The following SLC24A2 variants were observed in gnomAD, a reference collection of about 807,000 sequenced individuals.
SLC24A2 encodes the protein solute carrier family 24 member 2, also known as sodium/potassium/calcium exchanger 2.
SLC24A2 carries 36 observed loss-of-function variants against 62.0 expected under a neutral mutation model. The observed-to-expected ratio is 0.58, with a 90% confidence interval of 0.44 to 0.77. SLC24A2 has a LOEUF of 0.77. SLC24A2 is among the 30% of genes least tolerant of loss of function. SLC24A2 has a pLI of 0.00. For missense variants in SLC24A2, 846 were observed against 817.9 expected (o/e 1.03, Z -0.42); for synonymous variants, 358 against 294.0 (o/e 1.22, Z -2.23).
chr9:20,276,171 A>G, the SLC24A2 span, among the ~76,000 whole-genome samples: 4 of 152,232 alleles, frequency 2.6e-5, no homozygotes, highest in Non-Finnish European at 1.5e-5. Context: ...AAAGTCTCAT[A>G]TGAGACAAGC....
the SLC24A2 span, among the ~76,000 whole-genome samples, chr9:20,162,820 T>C: frequency 2.0e-5 from 3 of 152,056 alleles, no homozygotes; most frequent in Non-Finnish European, 4.4e-5. Flanking sequence ...GCAAGACTGG[T>C]TCAATATACG....
At position 19,786,654 on chromosome 9, in the gene SLC24A2, A is replaced by T. The variant is rs1823183784; in HGVS notation, c.213T>A (p.Ser71Arg). ...ETDTQSTGEA[S>R]VVSGPRVAQG... Reference sequence around the variant, plus strand: ...GTGCTACCCTAGGGCCACTTACAACACTGGCCTCTCCTGTGCTCTGTGTAT... The same window carrying T: ...GTGCTACCCTAGGGCCACTTACAACTCTGGCCTCTCCTGTGCTCTGTGTAT... Residue 71 changes from serine (S) to arginine (R), a missense_variant, in exon 2 of 11, where the codon AGT (serine) becomes AGA (arginine). Coordinates refer to ENST00000341998, the MANE Select transcript of SLC24A2 (RefSeq NM_020344.4). The surrounding 1 kb of genome is among the most constrained non-coding windows in gnomAD (Gnocchi z 5.0). The T allele has an allele frequency of 6.2e-7, 1 of 1,613,986 alleles. No homozygotes were observed. Among genetic ancestry groups the T allele is most frequent in the Non-Finnish European group, 8.5e-7 (1 of 1,180,000 alleles).
chr9:19,884,774 T>C, the SLC24A2 span, among the ~76,000 whole-genome samples: 2 of 152,212 alleles, frequency 1.3e-5, no homozygotes, highest in African/African-American at 4.8e-5. Flanking sequence ...AACACTTTAA[T>C]ATAAAATAGG....
intron 2 of SLC24A2, among the ~76,000 whole-genome samples, chr9:19,773,334 T>C (rs773629244): frequency 7.2e-5 from 11 of 152,196 alleles, no homozygotes; most frequent in Admixed American, 1.3e-4. Context: ...AGAAAAGCTG[T>C]TATTAAAAAG....
the SLC24A2 span, among the ~76,000 whole-genome samples, chr9:20,303,690 T>C: frequency 1.3e-5 from 2 of 152,330 alleles, no homozygotes; most frequent in East Asian, 3.9e-4. Flanking sequence ...GTAGAAGTCT[T>C]TCCTCCACCT....
At chr9:20,119,999 G>A in the SLC24A2 span, among the ~76,000 whole-genome samples, 1 of 152,120 alleles carries the variant, frequency 6.6e-6, no homozygotes, top group African/African-American at 2.4e-5. Context: ...AAGAGCATCG[G>A]CAGGGCTGTG....
At chr9:20,233,856 G>T in the SLC24A2 span, among the ~76,000 whole-genome samples, 1 of 152,160 alleles carries the variant, frequency 6.6e-6, no homozygotes. Flanking sequence ...TTTTTGCAGT[G>T]GCTGGTACTG....
At chr9:19,827,376 C>T in the SLC24A2 span, among the ~76,000 whole-genome samples, 4 of 152,102 alleles carry the variant, frequency 2.6e-5, no homozygotes, top group East Asian at 7.7e-4. Context: ...TGCAGGGGTG[C>T]TTTCTTCCTG....
At chr9:20,057,026 G>A in the SLC24A2 span, among the ~76,000 whole-genome samples, 140 of 152,290 alleles carry the variant, frequency 9.2e-4, 1 homozygote, top group African/African-American at 3.1e-3. Flanking sequence ...AACCCAGAGT[G>A]GAAAGTACAG....
At chr9:19,751,793 T>C (rs1187388438) in intron 2 of SLC24A2, among the ~76,000 whole-genome samples, 1 of 152,152 alleles carries the variant, frequency 6.6e-6, no homozygotes, top group Non-Finnish European at 1.5e-5. Context: ...CAAATATGTG[T>C]CTGGAGGATC....
chr9:19,760,595 T>G (rs1822290398), intron 2 of SLC24A2, among the ~76,000 whole-genome samples: 1 of 151,906 alleles, frequency 6.6e-6, no homozygotes, highest in African/African-American at 2.4e-5. Flanking sequence ...CAACTCCCAC[T>G]TATGAATGAG....
the SLC24A2 span, among the ~76,000 whole-genome samples, chr9:19,873,191 C>G: frequency 6.6e-6 from 1 of 151,360 alleles, no homozygotes. Context: ...GTCCCTTCCT[C>G]CCTTCCTCCC....
At chr9:19,548,203 C>T (rs1217096598) in intron 8 of SLC24A2, among the ~76,000 whole-genome samples, 1 of 151,796 alleles carries the variant, frequency 6.6e-6, no homozygotes, top group Non-Finnish European at 1.5e-5. Flanking sequence ...CTCTTGAAGA[C>T]TTATGATAAA....
At chr9:19,859,929 T>A in the SLC24A2 span, among the ~76,000 whole-genome samples, 2 of 152,186 alleles carry the variant, frequency 1.3e-5, no homozygotes, top group African/African-American at 4.8e-5. Flanking sequence ...GAATTGCTCA[T>A]CCCAGCATCA....
chr9:20,262,788 C>T, the SLC24A2 span, among the ~76,000 whole-genome samples: 1 of 152,204 alleles, frequency 6.6e-6, no homozygotes, highest in Non-Finnish European at 1.5e-5. Context: ...CATTCTCTTC[C>T]CACTCTCTGC....
chr9:20,220,292 G>A, the SLC24A2 span, among the ~76,000 whole-genome samples: 4 of 151,786 alleles, frequency 2.6e-5, no homozygotes, highest in East Asian at 1.9e-4. Context: ...GACTACTTTC[G>A]GCCCTCATTA....
Position 19,747,260 on chromosome 9 carries a change from T to G in SLC24A2, c.930+38677A>C, listed in dbSNP as rs138582785. Among the ~76,000 whole-genome samples the G allele has an allele frequency of 9.0e-4, 137 of 152,282 alleles. 1 individual carries two copies. The highest frequency in any genetic ancestry group is 3.2e-3 in the African/African-American group (132 of 41,566). ...CTCCCTTTCCTCACCATCCTGAGTT[T>G]GATATCTATCATTCCCATGTACTTT... On this transcript the variant is annotated intron_variant, in intron 2 of 10. Transcript: ENST00000341998.
the SLC24A2 span, among the ~76,000 whole-genome samples, chr9:19,815,678 T>C: frequency 6.6e-6 from 1 of 152,156 alleles, no homozygotes; most frequent in Non-Finnish European, 1.5e-5. Context: ...GGCTCTTAAA[T>C]TAAAGGAGAT....
chr9:20,154,746 G>T, the SLC24A2 span, among the ~76,000 whole-genome samples: 1 of 151,566 alleles, frequency 6.6e-6, no homozygotes, highest in Non-Finnish European at 1.5e-5. Context: ...TTGAAGCCCA[G>T]AGGTACAGTG....
Sources: allele counts gnomAD v4.1 joint callset (sites outside exome capture counted in the v4.1 genomes callset), GRCh38; gene constraint gnomAD v4.1.1; non-coding constraint Gnocchi (gnomAD v3.1); transcripts MANE v1.5; gene names NCBI Gene and HGNC (gene_info 2026-07-23, HGNC 2026-07-21).